The following FDFT1 variants were observed in gnomAD, a reference collection of about 807,000 sequenced individuals.
FDFT1 encodes farnesyl-diphosphate farnesyltransferase 1.
A neutral mutation model predicts 46.8 loss-of-function variants in FDFT1; 68 were observed. The ratio of observed to expected loss-of-function variants is 1.45; its 90% CI spans 1.19 to 1.78. The LOEUF (loss-of-function observed/expected upper bound fraction) is 1.78. Among genes scored for constraint, FDFT1 ranks in the 40% most tolerant of loss-of-function variants. The pLI is 0.00. For missense variants in FDFT1, 928 were observed against 524.4 expected, an observed-to-expected ratio of 1.77 and a Z score of -7.52; for synonymous variants, 351 against 185.1, an observed-to-expected ratio of 1.90 and a Z score of -7.28.
chr8:11,803,031 G>A (rs1177631665), intron 1 of FDFT1, 100 bp downstream of exon 1: 8 of 1,493,804 alleles, frequency 5.4e-6, no homozygotes, highest in Admixed American at 4.6e-5. Context: ...AAGGGGCGCG[G>A]CGAGCAGGGC....
At chr8:11,805,221 C>G (rs1472024587) in intron 1 of FDFT1, among the ~76,000 whole-genome samples, 3 of 152,186 alleles carry the variant, frequency 2.0e-5, no homozygotes, top group Non-Finnish European at 4.4e-5. Context: ...CAACCAGTTT[C>G]TCTCTGCAAA....
In FDFT1 at chr8:11,838,968, A is replaced by G. The variant is rs1811957534; in HGVS notation, c.*359A>G. 1 of 214,546 alleles carries G rather than the reference A, an allele frequency of 4.7e-6. No individual in the cohort carries two copies. The highest frequency in any genetic ancestry group is 1.4e-4 in the East Asian group (1 of 6,966). 13.3% of individuals were successfully genotyped at this position (214,546 alleles called of 1,614,324 possible). A position where few individuals can be genotyped will look rare whatever the true frequency, so the allele number is the denominator to read the frequency against. The stretch of plus-strand genomic sequence containing the variant: ...TTAAAAGTATTTAATTTGAAGCACC[A>G]TTTGAATGTTCGTAATAGTAGAAAA... On this transcript the variant is annotated 3_prime_UTR_variant, in exon 8 of 8. Coordinates refer to ENST00000220584, the MANE Select transcript of FDFT1 (RefSeq NM_004462.5).
chr8:11,803,449 C>A lies in FDFT1; in HGVS notation c.99+518C>A, dbSNP rs570550983. 39 of 1,280,046 alleles carry A rather than the reference C, an allele frequency of 3.0e-5. No individual in the cohort carries two copies. In the South Asian group the frequency reaches 4.4e-4, roughly 14 times the overall value. The allele number at this position is 1,280,046 out of a possible 1,614,324, so 79.3% of individuals were successfully genotyped here. A position where few individuals can be genotyped will look rare whatever the true frequency, so the allele number is the denominator to read the frequency against. On this transcript the variant is annotated intron_variant, in intron 1 of 7. Transcript: ENST00000220584. ...CTCGGTGCTTCCTGAGTTTTAAAATCGCCTATCTACGCTTCCAAGTTCCAA... is the reference window on the plus strand; with the variant it reads ...CTCGGTGCTTCCTGAGTTTTAAAATAGCCTATCTACGCTTCCAAGTTCCAA...
chr8:11,802,654 C>T (rs934444993), upstream of FDFT1: 3 of 608,132 alleles, frequency 4.9e-6, no homozygotes, highest in Non-Finnish European at 8.8e-6. Flanking sequence ...CAGCTAGCCC[C>T]GCTGGCGGCC....
At chr8:11,827,411 G>A (rs1016220835) in intron 5 of FDFT1, among the ~76,000 whole-genome samples, 3 of 151,800 alleles carry the variant, frequency 2.0e-5, no homozygotes, top group Non-Finnish European at 4.4e-5. Context: ...CTAGGTATTC[G>A]GGAGGCTAAG....
At chr8:11,804,695 C>T (rs1167317916) in intron 1 of FDFT1, among the ~76,000 whole-genome samples, 1 of 150,232 alleles carries the variant, frequency 6.7e-6, no homozygotes, top group Non-Finnish European at 1.5e-5. Context: ...CAGCCTCCGC[C>T]TCCTGGGTTC....
At chr8:11,808,560 A>C in intron 1 of FDFT1, 1 of 1,366,746 alleles carries the variant, frequency 7.3e-7, no homozygotes. Context: ...GGCCCTCTTC[A>C]AGCGCACCTT....
chr8:11,823,426 T>A (rs1430140785), intron 4 of FDFT1, among the ~76,000 whole-genome samples: 1 of 152,220 alleles, frequency 6.6e-6, no homozygotes, highest in Non-Finnish European at 1.5e-5. Context: ...TTTGTATAGC[T>A]GTCCAAAGCC....
intron 3 of FDFT1, among the ~76,000 whole-genome samples, chr8:11,811,762 G>A (rs1182223348): frequency 6.6e-6 from 1 of 152,240 alleles, no homozygotes; most frequent in East Asian, 1.9e-4. Flanking sequence ...AGGCACGGCT[G>A]TTTTCACTGT....
intron 7 of FDFT1, among the ~76,000 whole-genome samples, chr8:11,832,576 A>AAAAAAAAAAAAAAAAT (rs139242873): frequency 1.1e-4 from 15 of 134,888 alleles, no homozygotes; most frequent in African/African-American, 1.4e-4. Flanking sequence ...AAAAAAAAAA[A>AAAAAAAAAAAAAAAAT]GTCTTAGAGA....
At chr8:11,797,031 G>T (rs1382037187) in intron 1 of FDFT1, among the ~76,000 whole-genome samples, 5 of 152,258 alleles carry the variant, frequency 3.3e-5, no homozygotes, top group Non-Finnish European at 5.9e-5. Flanking sequence ...ACATCTGTAG[G>T]AAAAGGGTAG....
At chr8:11,837,262 G>A (rs1271841317) in intron 7 of FDFT1, among the ~76,000 whole-genome samples, 12 of 152,204 alleles carry the variant, frequency 7.9e-5, no homozygotes, top group Non-Finnish European at 1.6e-4. Flanking sequence ...ACAGGGTCTT[G>A]TTCTGTCATC....
intron 3 of FDFT1, among the ~76,000 whole-genome samples, chr8:11,813,100 G>T (rs927762208): frequency 5.9e-5 from 9 of 152,214 alleles, no homozygotes; most frequent in African/African-American, 2.2e-4. Context: ...TTGGAGCACA[G>T]TGGTAAGTAT....
chr8:11,814,749 G>C (rs1263464398), intron 3 of FDFT1, among the ~76,000 whole-genome samples: 1 of 152,148 alleles, frequency 6.6e-6, no homozygotes, highest in Non-Finnish European at 1.5e-5. Flanking sequence ...TAAAAGTATA[G>C]CCTTAATAGT....
At chr8:11,808,645 C>T (rs1323559221) in intron 1 of FDFT1, 149 bp from the exon 2 acceptor site, 3 of 1,399,774 alleles carry the variant, frequency 2.1e-6, no homozygotes, top group South Asian at 3.1e-5. Flanking sequence ...TTGCCTCCTG[C>T]CGCCTGGCCC....
At chr8:11,827,037 T>C (rs1280355645) in intron 5 of FDFT1, among the ~76,000 whole-genome samples, 2 of 152,160 alleles carry the variant, frequency 1.3e-5, no homozygotes, top group Non-Finnish European at 2.9e-5. Flanking sequence ...AATTAAAACA[T>C]GGACAGGGAA....
intron 3 of FDFT1, among the ~76,000 whole-genome samples, chr8:11,820,712 C>G (rs144852957): frequency 2.0e-5 from 3 of 152,170 alleles, no homozygotes; most frequent in East Asian, 1.9e-4. Flanking sequence ...CTGCCAGTTG[C>G]GAAGACTGGG....
In FDFT1 at chr8:11,802,811, G is replaced by C; in HGVS notation, c.-22G>C. The C allele has an allele frequency of 6.3e-7, 1 of 1,590,422 alleles. No individual in the cohort carries two copies. The highest frequency in any genetic ancestry group is 8.6e-7 in the Non-Finnish European group (1 of 1,165,272). The stretch of plus-strand genomic sequence containing the variant: ...ACCGCAGAGGTGAGAGTCGCGCCCG[G>C]GAGTCCGCCGCCTGCGCCAGGATGG... On this transcript the variant is annotated 5_prime_UTR_variant, in exon 1 of 8. Coordinates refer to ENST00000220584, the MANE Select transcript of FDFT1 (RefSeq NM_004462.5).
At chr8:11,836,897 G>A (rs1811613994) in intron 7 of FDFT1, among the ~76,000 whole-genome samples, 1 of 152,222 alleles carries the variant, frequency 6.6e-6, no homozygotes, top group African/African-American at 2.4e-5. Context: ...ATTAGCCAGG[G>A]ATGCACGCTT....
Sources: gnomAD v4.1 joint callset for allele counts (sites outside exome capture counted in the v4.1 genomes callset) on GRCh38, gnomAD v4.1.1 for gene constraint, MANE v1.5 for transcripts, NCBI Gene and HGNC (gene_info 2026-07-23, HGNC 2026-07-21) for gene names.